GAD1: variants seen among roughly 807,000 people sequenced by gnomAD.
GAD1 encodes the protein glutamate decarboxylase 1, also known as 67 kDa glutamic acid decarboxylase.
GAD1 carries 35 observed loss-of-function variants against 75.2 expected under a neutral mutation model. The ratio of observed to expected loss-of-function variants is 0.47; its 90% CI spans 0.36 to 0.62. The LOEUF is 0.62. Among genes scored for constraint, GAD1 ranks in the 20% least tolerant of loss-of-function variants. The probability of loss-of-function intolerance (pLI) is 0.00; values close to 1 mark genes in which losing one functional copy is unlikely to be tolerated. For missense variants in GAD1, 490 were observed against 758.5 expected (o/e 0.65, Z 4.16); for synonymous variants, 257 against 271.9 (o/e 0.95, Z 0.54).
chr2:170,835,781 G>A (rs1033436895), intron 5 of GAD1, among the ~76,000 whole-genome samples: 2 of 152,110 alleles, frequency 1.3e-5, no homozygotes, highest in Non-Finnish European at 2.9e-5. Context: ...TCAATACAAT[G>A]TGTTGTTTCA....
At chr2:170,821,866 T>G in intron 2 of GAD1, 23 of 552,316 alleles carry the variant, frequency 4.2e-5, no homozygotes, top group East Asian at 1.2e-4. Context: ...AGAGACACCG[T>G]TCCATATTTG....
intron 3 of GAD1, among the ~76,000 whole-genome samples, chr2:170,823,589 T>C (rs1193067489): frequency 1.3e-5 from 2 of 152,166 alleles, no homozygotes; most frequent in African/African-American, 4.8e-5. Context: ...GCTGCATCCC[T>C]GTGCTGGGGC....
At chr2:170,843,619 CTTTT>C (rs56763249) in intron 6 of GAD1, among the ~76,000 whole-genome samples, 1 of 134,140 alleles carries the variant, frequency 7.5e-6, no homozygotes, top group Non-Finnish European at 1.6e-5. Context: ...TGGCAGTCAG[CTTTT>C]TTTTTTTTTT....
At chr2:170,850,101 T>G (rs1702717239) in intron 12 of GAD1, among the ~76,000 whole-genome samples, 2 of 152,246 alleles carry the variant, frequency 1.3e-5, no homozygotes, top group Admixed American at 1.3e-4. Flanking sequence ...TATTCAGTTA[T>G]GTGTCTTCCA....
Position 170,849,283 on chromosome 2 carries a change from C to A in GAD1, c.1120-3C>A, listed in dbSNP as rs775753284. 1.2e-6 allele frequency: 2 copies of A among 1,613,946 alleles called. No individual in the cohort carries two copies. The highest frequency in any genetic ancestry group is 2.2e-5 in the South Asian group (2 of 91,070). On this transcript the variant is annotated splice_region_variant and splice_polypyrimidine_tract_variant and intron_variant, in intron 11 of 16. Transcript: ENST00000358196. ...TCTTCCTCTCCTTTCTCTGTCCCCA[C>A]AGGCTGCCTGGGGAGGTGGGCTGCT...
chr2:170,852,571 T>G, intron 12 of GAD1, 143 bp from the exon 13 acceptor site: 1 of 726,002 alleles, frequency 1.4e-6, no homozygotes, highest in Admixed American at 2.0e-5. Flanking sequence ...GCAAAACATT[T>G]GTTTGCTACT....
chr2:170,853,750 T>C lies in GAD1; in HGVS notation c.1264-123T>C. On this transcript the variant is annotated intron_variant, in intron 13 of 16. Coordinates refer to ENST00000358196, the MANE Select transcript of GAD1 (RefSeq NM_000817.3). The surrounding 1 kb of genome is among the most constrained non-coding windows in gnomAD (Gnocchi z 4.1). ...GCATCAGAACAAGTGTAAGGCCTCA[T>C]AAAGACATCAGAAGAAAGATTGCAT... 1 of 953,600 alleles carries C rather than the reference T, an allele frequency of 1.0e-6. No individual in the cohort carries two copies. The allele number at this position is 953,600 out of a possible 1,614,324, so 59.1% of individuals were successfully genotyped here. A position where few individuals can be genotyped will look rare whatever the true frequency, so the allele number is the denominator to read the frequency against.
intron 5 of GAD1, 65 bp from the exon 6 acceptor site, chr2:170,836,728 C>A (rs190817867): frequency 9.0e-7 from 1 of 1,111,684 alleles, no homozygotes; most frequent in Non-Finnish European, 1.4e-6. Flanking sequence ...TGGGGCAGGC[C>A]GTTTGCCTTC....
At chr2:170,838,940 G>A (rs1702436243) in intron 6 of GAD1, among the ~76,000 whole-genome samples, 2 of 152,182 alleles carry the variant, frequency 1.3e-5, no homozygotes, top group Non-Finnish European at 2.9e-5. Flanking sequence ...AATAGTTTCT[G>A]TCAGTTCTGG....
At chr2:170,828,384 C>CTGAT (rs1316757673) in intron 3 of GAD1, among the ~76,000 whole-genome samples, 3 of 139,846 alleles carry the variant, frequency 2.1e-5, no homozygotes, top group African/African-American at 8.1e-5. Flanking sequence ...CTGTCCTCAC[C>CTGAT]CTCCTCCCTC....
intron 7 of GAD1, 109 bp downstream of exon 7, chr2:170,844,266 G>C (rs1702583895): frequency 2.8e-6 from 2 of 722,736 alleles, no homozygotes; most frequent in Non-Finnish European, 5.0e-6. Context: ...TGGATACCCT[G>C]ACTTCCTATT....
chr2:170,852,872 C>A, intron 13 of GAD1, 80 bp downstream of exon 13: 1 of 1,237,484 alleles, frequency 8.1e-7, no homozygotes, highest in Non-Finnish European at 1.2e-6. Flanking sequence ...GGTCTCTTTG[C>A]AGTACTTGTT....
chr2:170,825,868 G>T (rs557556540), intron 3 of GAD1, among the ~76,000 whole-genome samples: 2 of 152,342 alleles, frequency 1.3e-5, no homozygotes, highest in South Asian at 4.1e-4. Context: ...CGAAGCTGGG[G>T]TGTAGAGCAA....
intron 14 of GAD1, among the ~76,000 whole-genome samples, 181 bp downstream of exon 14, chr2:170,854,203 C>T (rs1211602261): frequency 6.6e-6 from 1 of 152,194 alleles, no homozygotes; most frequent in Non-Finnish European, 1.5e-5. Flanking sequence ...CAAATTCTCT[C>T]TCCTTTTGTT....
intron 11 of GAD1, 36 bp from the exon 12 acceptor site, chr2:170,849,250 T>G: frequency 6.3e-7 from 1 of 1,588,644 alleles, no homozygotes; most frequent in Non-Finnish European, 8.6e-7. Context: ...TAAATGTCAC[T>G]GCTCCCCTCT....
chr2:170,854,045 A>C, intron 14 of GAD1, 23 bp downstream of exon 14: 1 of 1,614,072 alleles, frequency 6.2e-7, no homozygotes, highest in South Asian at 1.1e-5. Context: ...TAGTTCAGGA[A>C]ATAGAGCAGA....
At chr2:170,849,695 A>G (rs2105804470) in intron 12 of GAD1, among the ~76,000 whole-genome samples, 1 of 152,286 alleles carries the variant, frequency 6.6e-6, no homozygotes, top group South Asian at 2.1e-4. Flanking sequence ...ATAGCTATCA[A>G]TCAATCAATC....
intron 13 of GAD1, 155 bp downstream of exon 13, chr2:170,852,947 A>G (rs770723453): frequency 1.3e-5 from 9 of 719,722 alleles, no homozygotes; most frequent in Admixed American, 4.0e-5. Context: ...CTGCCCTTGC[A>G]GCTAACCTGG....
intron 5 of GAD1, among the ~76,000 whole-genome samples, chr2:170,831,747 AAAAT>A (rs1262278467): frequency 6.9e-6 from 1 of 145,614 alleles, no homozygotes; most frequent in Non-Finnish European, 1.5e-5. Flanking sequence ...AATAAATATA[AAAAT>A]AATATATAAA....
Sources: gnomAD v4.1 joint callset for allele counts (sites outside exome capture counted in the v4.1 genomes callset) on GRCh38, gnomAD v4.1.1 for gene constraint, Gnocchi (gnomAD v3.1) non-coding constraint, MANE v1.5 for transcripts, NCBI Gene and HGNC (gene_info 2026-07-23, HGNC 2026-07-21) for gene names.